HMCN1: variants seen among roughly 807,000 people sequenced by gnomAD.
The protein encoded by HMCN1 is hemicentin-1.
HMCN1 carries 321 observed loss-of-function variants against 625.9 expected under a neutral mutation model. The observed-to-expected ratio is 0.51, with a 90% CI of 0.47 to 0.56. The LOEUF is 0.56. Among genes scored for constraint, HMCN1 ranks in the 20% least tolerant of loss-of-function variants. HMCN1 has a pLI of 0.00. For synonymous variants in HMCN1, 2,425 were observed against 2,417.6 expected (o/e 1.00, Z -0.09); for missense variants, 6,588 against 6,887.3 (o/e 0.96, Z 1.54).
rs544242999 is a variant in HMCN1 at position 185,762,949 on chromosome 1, T to A, written c.268+27902T>A. On this transcript the variant is annotated intron_variant, in intron 1 of 106. Coordinates refer to ENST00000271588, the MANE Select transcript of HMCN1 (RefSeq NM_031935.3). The stretch of plus-strand genomic sequence containing the variant: ...AAATCACAGAAGTTTTTCCCTTGGC[T>A]AACTTATTTGTTTCTTTCTTTATAC... Among the ~76,000 whole-genome samples the A allele has an allele frequency of 7.9e-5, 12 of 152,318 alleles. No homozygotes were observed. The East Asian group carries it at 1.9e-3, about 24-fold the overall frequency.
At chr1:186,161,486 T>G (rs1210479711) in intron 97 of HMCN1, among the ~76,000 whole-genome samples, 1 of 151,950 alleles carries the variant, frequency 6.6e-6, no homozygotes, top group African/African-American at 2.4e-5. Flanking sequence ...GTTATTTTGC[T>G]CGTTAGTTGA....
intron 6 of HMCN1, 138 bp from the exon 7 acceptor site, chr1:185,922,241 G>A (rs1667038531): frequency 1.1e-6 from 1 of 921,336 alleles, no homozygotes; most frequent in Non-Finnish European, 1.8e-6. Flanking sequence ...TAGTTATGTT[G>A]AGAACATCAG....
At chr1:186,042,165 T>C (rs1285123338) in intron 40 of HMCN1, among the ~76,000 whole-genome samples, 1 of 152,194 alleles carries the variant, frequency 6.6e-6, no homozygotes. Flanking sequence ...TTTCTGTTGC[T>C]CCTGCAATTG....
chr1:185,747,364 G>A (rs1400588401), intron 1 of HMCN1, among the ~76,000 whole-genome samples: 3 of 151,654 alleles, frequency 2.0e-5, no homozygotes, highest in Non-Finnish European at 1.5e-5. Context: ...CATCACCCAG[G>A]CTGGAGTGCA....
At chr1:186,156,723 A>G (rs868075705) in intron 97 of HMCN1, among the ~76,000 whole-genome samples, 32 of 152,212 alleles carry the variant, frequency 2.1e-4, no homozygotes, top group African/African-American at 7.0e-4. Context: ...ATAATAGAAA[A>G]ATATTAAATA....
intron 1 of HMCN1, among the ~76,000 whole-genome samples, chr1:185,820,129 G>T (rs58981810): frequency 6.6e-6 from 1 of 152,280 alleles, no homozygotes; most frequent in African/African-American, 2.4e-5. Context: ...GCAGGAGAAA[G>T]TGTCTAAATA....
At chr1:185,864,449 A>T in intron 2 of HMCN1, 21 bp from the exon 3 acceptor site, 1 of 1,612,904 alleles carries the variant, frequency 6.2e-7, no homozygotes, top group Non-Finnish European at 8.5e-7. Context: ...ACGTAATTGA[A>T]TTTTTCTCTC....
chr1:186,060,155 AC>A (rs1381496759), intron 46 of HMCN1, among the ~76,000 whole-genome samples: 1 of 152,114 alleles, frequency 6.6e-6, no homozygotes, highest in Non-Finnish European at 1.5e-5. Flanking sequence ...TACTAAGTTC[AC>A]CTTTCAGTGG....
At chr1:186,107,992 C>A (rs1309281868) in intron 70 of HMCN1, among the ~76,000 whole-genome samples, 1 of 147,542 alleles carries the variant, frequency 6.8e-6, no homozygotes, top group Non-Finnish European at 1.5e-5. Flanking sequence ...GATTTAAGTG[C>A]CCCCATCATC....
chr1:185,993,871 G>A (rs909443216), intron 23 of HMCN1, among the ~76,000 whole-genome samples: 1 of 152,026 alleles, frequency 6.6e-6, no homozygotes, highest in African/African-American at 2.4e-5. Context: ...AATATCAGAA[G>A]AAATTAGCTG....
At chr1:185,914,459 C>T (rs566219769) in intron 6 of HMCN1, among the ~76,000 whole-genome samples, 27 of 152,048 alleles carry the variant, frequency 1.8e-4, no homozygotes, top group Non-Finnish European at 3.7e-4. Context: ...AACGATCTAT[C>T]TATTACTTAA....
chr1:186,158,977 G>T lies in HMCN1; in HGVS notation c.15256+4990G>T, dbSNP rs1310164311. ...TTCCAATTCTGTGAAGAAAGTCATT[G>T]GTAGCTTGATGGGGATGGCATCGAA... On this transcript the variant is annotated intron_variant, in intron 97 of 106. Transcript: ENST00000271588. Among the ~76,000 whole-genome samples the T allele has an allele frequency of 2.0e-5, 3 of 152,116 alleles. No individual in the cohort carries two copies. The East Asian group carries it at 5.8e-4, about 29-fold the overall frequency.
At chr1:186,140,599 G>T (rs930038878) in intron 89 of HMCN1, among the ~76,000 whole-genome samples, 1 of 152,134 alleles carries the variant, frequency 6.6e-6, no homozygotes, top group African/African-American at 2.4e-5. Context: ...TTATTAATAA[G>T]TATTTTGTAG....
Position 185,850,379 on chromosome 1 carries a change from A to AT in HMCN1, c.339+4292dup, listed in dbSNP as rs927753823. ...TGTTAGGAAGGCATTTATTGTATTCATTTTTTTTTCCTCCGTGACAATACA... is the reference window on the plus strand; with the variant it reads ...TGTTAGGAAGGCATTTATTGTATTCATTTTTTTTTTCCTCCGTGACAATACA... On this transcript the variant is annotated intron_variant, in intron 2 of 106. Coordinates refer to ENST00000271588, the MANE Select transcript of HMCN1 (RefSeq NM_031935.3). Among the ~76,000 whole-genome samples, 62 of 151,404 alleles carry AT rather than the reference A, an allele frequency of 4.1e-4. 1 individual carries two copies. Among genetic ancestry groups the AT allele is most frequent in the African/African-American group, 1.3e-3 (53 of 41,278 alleles).
At chr1:186,160,356 C>A (rs2102601593) in intron 97 of HMCN1, among the ~76,000 whole-genome samples, 1 of 147,032 alleles carries the variant, frequency 6.8e-6, no homozygotes, top group Non-Finnish European at 1.5e-5. Context: ...TTTTGTTGAT[C>A]CTTTCAAAAA....
rs532909081 is a variant in HMCN1, at chr1:185,834,973, T to G, written c.269-11053T>G. ...ATAAAAATGTAGAGATGGGCATTTT[T>G]CTAGATTATGTTGGAAACAGTGACA... On this transcript the variant is annotated intron_variant, in intron 1 of 106. Transcript: ENST00000271588. Among the ~76,000 whole-genome samples, 15 of 152,306 alleles carry G rather than the reference T, an allele frequency of 9.8e-5. No individual in the cohort carries two copies. In the South Asian group the frequency reaches 2.9e-3, roughly 29 times the overall value.
chr1:185,880,303 A>G (rs1316256559), intron 4 of HMCN1, among the ~76,000 whole-genome samples: 1 of 152,234 alleles, frequency 6.6e-6, no homozygotes. Context: ...ACATAAAGCA[A>G]AAGTACAAAA....
intron 9 of HMCN1, among the ~76,000 whole-genome samples, chr1:185,927,198 G>A (rs1158394934): frequency 6.6e-6 from 1 of 152,080 alleles, no homozygotes; most frequent in Non-Finnish European, 1.5e-5. Flanking sequence ...TTTTAAGTAG[G>A]CACTGAAGAA....
intron 6 of HMCN1, among the ~76,000 whole-genome samples, chr1:185,920,700 T>C (rs960060465): frequency 5.3e-4 from 80 of 152,164 alleles, no homozygotes; most frequent in African/African-American, 1.9e-3. Context: ...AGCTATTAAG[T>C]ACCACATTGT....
Sources: allele counts gnomAD v4.1 joint callset (sites outside exome capture counted in the v4.1 genomes callset), GRCh38; gene constraint gnomAD v4.1.1; transcripts MANE v1.5; gene names NCBI Gene and HGNC (gene_info 2026-07-23, HGNC 2026-07-21).